Variants in NSF observed in about 807,000 individuals in gnomAD.
NSF encodes the protein N-ethylmaleimide sensitive factor, vesicle fusing ATPase, also known as vesicle-fusing ATPase.
Under a neutral mutation model 50.3 loss-of-function variants are expected in NSF, and 14 were observed. That is an observed-to-expected ratio of 0.28 (90% CI 0.18 to 0.44). NSF has a LOEUF of 0.44. Among genes scored for constraint, NSF ranks in the 20% least tolerant of loss-of-function variants. The pLI is 1.00. For missense variants in NSF, 218 were observed against 504.3 expected, an observed-to-expected ratio of 0.43 and a Z score of 5.44; for synonymous variants, 109 against 175.7, an observed-to-expected ratio of 0.62 and a Z score of 3.00.
chr17:46,601,842 G>C (rs545519897), intron 1 of NSF, among the ~76,000 whole-genome samples: 5 of 150,456 alleles, frequency 3.3e-5, no homozygotes, highest in Admixed American at 2.0e-4. Flanking sequence ...GCTCTTTTCC[G>C]TATGAATTCT....
intron 19 of NSF, among the ~76,000 whole-genome samples, chr17:46,753,608 A>AT (rs977928089): frequency 6.6e-5 from 10 of 151,650 alleles, no homozygotes; most frequent in Non-Finnish European, 8.8e-5. Flanking sequence ...TTTCAGTATA[A>AT]TTTTTTTTCA....
In NSF at chr17:46,713,902, A is replaced by C. The variant is rs751685291; in HGVS notation, c.1677A>C (p.Glu559Asp). The change falls in exon 15 of 21, where the codon GAA becomes GAC. Residue 559 changes from glutamate to aspartate, a missense_variant. By Grantham distance (45) the Glu-to-Asp change is conservative. Transcript: ENST00000398238. ...KTALAAKIAE[E>D]SNFPFIKICS... ...CTTTAGCTGCAAAAATTGCAGAGGA[A>C]TCCAACTTCCCGTTCATCAAGATCT... is the stretch of plus-strand genomic sequence containing the variant. The C allele has an allele frequency of 1.2e-6, 2 of 1,612,950 alleles. No homozygotes were observed. Among genetic ancestry groups the C allele is most frequent in the South Asian group, 2.2e-5 (2 of 90,708 alleles).
rs773650308 is a variant in NSF at position 46,755,502 on chromosome 17, C to G, written c.2213+133C>G. Reference sequence around the variant, plus strand: ...TGAATTCTTCGCTGTGTTGTAGGTCCGAGAGACCAAGCAAGGAAGTTGGTT... The same window carrying G: ...TGAATTCTTCGCTGTGTTGTAGGTCGGAGAGACCAAGCAAGGAAGTTGGTT... On this transcript the variant is annotated intron_variant, in intron 20 of 20. Coordinates refer to ENST00000398238, the MANE Select transcript of NSF (RefSeq NM_006178.4). The G allele has an allele frequency of 4.9e-6, 4 of 821,608 alleles. No individual in the cohort carries two copies. In the Admixed American group the frequency reaches 6.5e-5, roughly 13 times the overall value. The allele number at this position is 821,608 out of a possible 1,614,324, so 50.9% of individuals were successfully genotyped here.
At chr17:46,708,054 C>T (rs1462685996) in intron 13 of NSF, among the ~76,000 whole-genome samples, 1 of 151,100 alleles carries the variant, frequency 6.6e-6, no homozygotes, top group Non-Finnish European at 1.5e-5. Context: ...AAAAAAAATC[C>T]ATGATATGTA....
intron 17 of NSF, among the ~76,000 whole-genome samples, chr17:46,746,442 A>G (rs2059130032): frequency 6.6e-6 from 1 of 152,228 alleles, no homozygotes; most frequent in Admixed American, 6.5e-5. Context: ...CAGTAGTGGT[A>G]TAATGTTTAC....
chr17:46,721,389 T>G (rs1889229782), intron 15 of NSF, among the ~76,000 whole-genome samples: 1 of 152,194 alleles, frequency 6.6e-6, no homozygotes, highest in Non-Finnish European at 1.5e-5. Flanking sequence ...TTTCCCACAT[T>G]GTTTCCTTCT....
At chr17:46,612,335 T>TA (rs2046373567) in intron 1 of NSF, among the ~76,000 whole-genome samples, 1 of 25,618 alleles carries the variant, frequency 3.9e-5, no homozygotes, top group Non-Finnish European at 6.5e-5. Context: ...TGCAGTTCCT[T>TA]AAAAAACTAA....
intron 15 of NSF, among the ~76,000 whole-genome samples, chr17:46,726,331 G>A (rs987617279): frequency 1.3e-5 from 2 of 152,194 alleles, no homozygotes; most frequent in Non-Finnish European, 2.9e-5. Flanking sequence ...TCCCCAGCCT[G>A]CCCAGGTGTG....
Position 46,711,068 on chromosome 17 carries a change from C to G in NSF, c.1576C>G (p.Gln526Glu). The G allele has an allele frequency of 6.3e-7, 1 of 1,584,156 alleles. No individual in the cohort carries two copies. Among genetic ancestry groups the G allele is most frequent in the Non-Finnish European group, 8.6e-7 (1 of 1,169,368 alleles). Residue 526 changes from glutamine (Q) to glutamate (E), a missense_variant, in exon 14 of 21, where the codon CAG (glutamine) becomes GAG (glutamate). Transcript: ENST00000398238. ...TCTAGATGATGGGGAGCTGCTGGTG[C>G]AGCAGACTAAGAACAGTGACCGCAC... Reference protein sequence around the residue: ...RVLDDGELLVQQTKNSDRTPL... With the variant: ...RVLDDGELLVEQTKNSDRTPL...
intron 9 of NSF, among the ~76,000 whole-genome samples, chr17:46,686,004 TGACA>T (rs1455940727): frequency 5.4e-5 from 7 of 129,796 alleles, no homozygotes; most frequent in African/African-American, 2.0e-4. Context: ...TAAGGCACAT[TGACA>T]GTAAAACTCA....
intron 20 of NSF, 83 bp downstream of exon 20, chr17:46,755,452 C>T (rs1228836411): frequency 8.6e-7 from 1 of 1,160,856 alleles, no homozygotes; most frequent in Non-Finnish European, 1.3e-6. Flanking sequence ...AGTTGCTTTC[C>T]TAGATAAGTT....
intron 17 of NSF, among the ~76,000 whole-genome samples, chr17:46,742,659 G>A (rs1420883311): frequency 6.6e-6 from 1 of 152,188 alleles, no homozygotes; most frequent in Non-Finnish European, 1.5e-5. Context: ...TCCTTGACTT[G>A]GAGGGAAAGG....
intron 15 of NSF, among the ~76,000 whole-genome samples, chr17:46,723,939 A>C (rs1410216017): frequency 6.6e-6 from 1 of 152,198 alleles, no homozygotes; most frequent in Non-Finnish European, 1.5e-5. Context: ...CCTTTACAGT[A>C]AAATTTTAAC....
In NSF at chr17:46,749,647, G is replaced by GT. The variant is rs1016555699; in HGVS notation, c.1909-122dup. 70 of 845,862 alleles carry GT rather than the reference G, an allele frequency of 8.3e-5. No individual in the cohort carries two copies. In the African/African-American group the frequency reaches 1.1e-3, roughly 13 times the overall value. The allele number at this position is 845,862 out of a possible 1,614,324, so 52.4% of individuals were successfully genotyped here. On this transcript the variant is annotated intron_variant, in intron 17 of 20. Transcript: ENST00000398238. ...GGAAAATCCTGAATTGTTTTCTTCT[G>GT]TTTTGCCTAATCATTTGCATCGGCA...
At chr17:46,713,684 T>G (rs185180328) in intron 14 of NSF, among the ~76,000 whole-genome samples, 169 bp from the exon 15 acceptor site, 12 of 152,366 alleles carry the variant, frequency 7.9e-5, no homozygotes, top group Non-Finnish European at 1.5e-5. Flanking sequence ...TCATTAAGTT[T>G]AGTTGCTAAT....
chr17:46,714,265 T>TTGAA (rs2058746508), intron 15 of NSF, among the ~76,000 whole-genome samples: 1 of 152,154 alleles, frequency 6.6e-6, no homozygotes, highest in Non-Finnish European at 1.5e-5. Flanking sequence ...ATTAAAAGAG[T>TTGAA]TATAGTTGAA....
At chr17:46,595,491 TC>T (rs1206139590) in intron 1 of NSF, among the ~76,000 whole-genome samples, 1 of 108,982 alleles carries the variant, frequency 9.2e-6, no homozygotes, top group Non-Finnish European at 1.6e-5. Context: ...TATCACTGGA[TC>T]TTTTTTTTTT....
At chr17:46,739,288 T>A (rs771695628) in intron 17 of NSF, among the ~76,000 whole-genome samples, 14 of 148,840 alleles carry the variant, frequency 9.4e-5, no homozygotes, top group Non-Finnish European at 2.1e-4. Context: ...GGAGAATCGC[T>A]TGAACCCAGG....
intron 2 of NSF, among the ~76,000 whole-genome samples, chr17:46,625,985 A>G (rs1461967395): frequency 2.7e-5 from 4 of 148,046 alleles, no homozygotes; most frequent in African/African-American, 1.0e-4. Context: ...GGAGATTATC[A>G]TGAGAGGACT....
Sources: allele counts gnomAD v4.1 joint callset (sites outside exome capture counted in the v4.1 genomes callset), GRCh38; gene constraint gnomAD v4.1.1; transcripts MANE v1.5; gene names NCBI Gene and HGNC (gene_info 2026-07-23, HGNC 2026-07-21).